ARG2: variants seen among roughly 807,000 people sequenced by gnomAD.
ARG2 encodes arginase-2, mitochondrial.
In ARG2, 21 loss-of-function variants were observed where a neutral mutation model predicts 39.4. The observed-to-expected ratio is 0.53, with a 90% CI of 0.38 to 0.77. The LOEUF (loss-of-function observed/expected upper bound fraction) is 0.77. Among genes scored for constraint, ARG2 ranks in the 30% least tolerant of loss-of-function variants. ARG2 has a pLI of 0.00. For missense variants in ARG2, 378 were observed against 426.2 expected (o/e 0.89, Z 1.00); for synonymous variants, 150 against 156.7 (o/e 0.96, Z 0.32).
At chr14:67,622,041 G>C (rs2036815784) in intron 2 of ARG2, among the ~76,000 whole-genome samples, 1 of 152,110 alleles carries the variant, frequency 6.6e-6, no homozygotes, top group African/African-American at 2.4e-5. Context: ...AGGTTGCAGT[G>C]ATTGTGCCAC....
chr14:67,631,430 C>CTT (rs1447220086), intron 2 of ARG2, among the ~76,000 whole-genome samples: 1,443 of 128,200 alleles, frequency 0.011, 62 homozygotes, highest in South Asian at 0.044. Context: ...TCCTTTCTTT[C>CTT]TTTCTTTTTT....
chr14:67,642,801 T>TC (rs1223481584), intron 3 of ARG2, among the ~76,000 whole-genome samples: 1 of 123,198 alleles, frequency 8.1e-6, no homozygotes, highest in Non-Finnish European at 1.7e-5. Flanking sequence ...TTCTTTTTTT[T>TC]TTTTTTTTTT....
chr14:67,629,799 C>T (rs1219556564), intron 2 of ARG2, among the ~76,000 whole-genome samples: 1 of 152,138 alleles, frequency 6.6e-6, no homozygotes, highest in African/African-American at 2.4e-5. Context: ...GAAACATTCC[C>T]AAGGACTTGC....
intron 2 of ARG2, among the ~76,000 whole-genome samples, chr14:67,632,913 C>T (rs1012907063): frequency 4.8e-5 from 7 of 146,522 alleles, no homozygotes; most frequent in East Asian, 2.1e-4. Context: ...CTCCGCCTCC[C>T]GGGTTCACAC....
intron 2 of ARG2, among the ~76,000 whole-genome samples, chr14:67,623,536 T>TA (rs2036832897): frequency 1.7e-5 from 1 of 59,884 alleles, no homozygotes; most frequent in Admixed American, 1.8e-4. Context: ...CAGGTAACCT[T>TA]TTTTTTTTTT....
chr14:67,632,629 T>C (rs2036929250), intron 2 of ARG2, among the ~76,000 whole-genome samples: 1 of 152,126 alleles, frequency 6.6e-6, no homozygotes, highest in Admixed American at 6.6e-5. Flanking sequence ...TGTTTGCATC[T>C]CCAGGAGATG....
intron 2 of ARG2, among the ~76,000 whole-genome samples, chr14:67,637,526 G>A (rs1020736834): frequency 1.3e-5 from 2 of 151,656 alleles, no homozygotes; most frequent in African/African-American, 2.4e-5. Flanking sequence ...TGTAGCAGAT[G>A]GGTTACAATT....
chr14:67,632,263 T>C (rs1306133820), intron 2 of ARG2, among the ~76,000 whole-genome samples: 1 of 152,228 alleles, frequency 6.6e-6, no homozygotes, highest in Admixed American at 6.5e-5. Flanking sequence ...ATCTTATCTT[T>C]TTAACTTTTT....
chr14:67,639,292 A>G lies in ARG2; in HGVS notation c.185-2894A>G, dbSNP rs527649298. On this transcript the variant is annotated intron_variant, in intron 2 of 7. Coordinates refer to ENST00000261783, the MANE Select transcript of ARG2 (RefSeq NM_001172.4). ...GGGTAGTCCCAAAGTTCTGTGACTTATCCACTGGATTGAGCACTTTAATTT... is the reference window on the plus strand; with the variant it reads ...GGGTAGTCCCAAAGTTCTGTGACTTGTCCACTGGATTGAGCACTTTAATTT... 4.6e-5 allele frequency among the ~76,000 whole-genome samples: 7 copies of G among 152,294 alleles called. No individual in the cohort carries two copies. The South Asian group carries it at 1.5e-3, about 32-fold the overall frequency.
chr14:67,624,531 A>G (rs2036843255), intron 2 of ARG2, among the ~76,000 whole-genome samples: 1 of 152,220 alleles, frequency 6.6e-6, no homozygotes, highest in Admixed American at 6.5e-5. Context: ...CTTATATGGC[A>G]GGAGCAGGAG....
At chr14:67,639,198 T>C (rs1357032698) in intron 2 of ARG2, among the ~76,000 whole-genome samples, 1 of 152,234 alleles carries the variant, frequency 6.6e-6, no homozygotes, top group Non-Finnish European at 1.5e-5. Flanking sequence ...AGCTTTTTTC[T>C]AATACAAGTG....
chr14:67,633,053 C>T (rs2036935098), intron 2 of ARG2, among the ~76,000 whole-genome samples: 2 of 151,978 alleles, frequency 1.3e-5, no homozygotes, highest in Admixed American at 1.3e-4. Flanking sequence ...ATCTCCTGAC[C>T]TCGTGATCCG....
intron 2 of ARG2, among the ~76,000 whole-genome samples, chr14:67,632,867 C>T (rs1372795078): frequency 8.8e-6 from 1 of 113,926 alleles, no homozygotes; most frequent in Non-Finnish European, 1.6e-5. Flanking sequence ...ATCGCTCAGG[C>T]TGGAGTGCAG....
At chr14:67,637,370 C>CATTGCA (rs2036983034) in intron 2 of ARG2, among the ~76,000 whole-genome samples, 1 of 137,766 alleles carries the variant, frequency 7.3e-6, no homozygotes, top group South Asian at 2.5e-4. Context: ...GAGATCATGC[C>CATTGCA]ATTGCACTCC....
intron 2 of ARG2, among the ~76,000 whole-genome samples, chr14:67,625,850 G>A (rs932441186): frequency 6.6e-6 from 1 of 151,540 alleles, no homozygotes; most frequent in Non-Finnish European, 1.5e-5. Context: ...AATAACAACC[G>A]TAAAAAGACA....
intron 2 of ARG2, among the ~76,000 whole-genome samples, chr14:67,639,164 T>A (rs762227058): frequency 6.6e-6 from 1 of 152,256 alleles, no homozygotes; most frequent in Non-Finnish European, 1.5e-5. Context: ...AAATTCTCTT[T>A]AGGTTCCTTT....
chr14:67,646,507 A>T (rs2037100089), intron 4 of ARG2, 137 bp from the exon 5 acceptor site: 1 of 634,450 alleles, frequency 1.6e-6, no homozygotes, highest in African/African-American at 1.8e-5. Flanking sequence ...TCCCAGATCA[A>T]GTGTGTCCTG....
intron 4 of ARG2, among the ~76,000 whole-genome samples, chr14:67,646,051 G>A (rs1358622732): frequency 6.6e-6 from 1 of 152,196 alleles, no homozygotes; most frequent in East Asian, 1.9e-4. Flanking sequence ...CACAGCCTGA[G>A]GACTTCTTGG....
At chr14:67,636,342 C>T (rs1026529252) in intron 2 of ARG2, among the ~76,000 whole-genome samples, 5 of 152,152 alleles carry the variant, frequency 3.3e-5, no homozygotes, top group African/African-American at 1.2e-4. Context: ...AAGAGTAATT[C>T]AGTTGCTGTT....
Sources: allele counts gnomAD v4.1 joint callset (sites outside exome capture counted in the v4.1 genomes callset), GRCh38; gene constraint gnomAD v4.1.1; transcripts MANE v1.5; gene names NCBI Gene and HGNC (gene_info 2026-07-23, HGNC 2026-07-21).